The following APPL2 variants were observed in gnomAD, a reference collection of about 807,000 sequenced individuals.
The protein encoded by APPL2 is DCC-interacting protein 13-beta.
Under a neutral mutation model 92.7 loss-of-function variants are expected in APPL2, and 84 were observed. The ratio of observed to expected loss-of-function variants is 0.91; its 90% confidence interval spans 0.76 to 1.09. The LOEUF (loss-of-function observed/expected upper bound fraction) is 1.09. APPL2 is among the 50% of genes least tolerant of loss of function. The probability of loss-of-function intolerance (pLI) is 0.00; values close to 1 mark genes in which losing one functional copy is unlikely to be tolerated. For missense variants in APPL2, 736 were observed against 824.5 expected (o/e 0.89, Z 1.31); for synonymous variants, 291 against 291.0 (o/e 1.00, Z 0.00).
chr12:105,177,671 G>A (rs1885684978), intron 17 of APPL2, among the ~76,000 whole-genome samples: 1 of 152,160 alleles, frequency 6.6e-6, no homozygotes, highest in Non-Finnish European at 1.5e-5. Context: ...TAACATTATT[G>A]AAAAAGATGA....
chr12:105,212,154 A>G (rs1312505836), intron 4 of APPL2, among the ~76,000 whole-genome samples: 6 of 150,490 alleles, frequency 4.0e-5, no homozygotes, highest in Middle Eastern at 3.2e-3. Context: ...ACTTCCTACC[A>G]AAACAACTCT....
At chr12:105,182,550 A>G (rs1054535429) in intron 17 of APPL2, among the ~76,000 whole-genome samples, 5 of 152,196 alleles carry the variant, frequency 3.3e-5, no homozygotes, top group African/African-American at 1.2e-4. Context: ...TTCAGTTTCC[A>G]TGTAGTTGTG....
At chr12:105,189,720 C>T (rs536317843) in intron 16 of APPL2, 52 bp downstream of exon 16, 181 of 1,536,932 alleles carry the variant, frequency 1.2e-4, no homozygotes, top group Non-Finnish European at 1.6e-4. Flanking sequence ...TTTCAATGGC[C>T]GTTGTCATTT....
intron 11 of APPL2, 57 bp from the exon 12 acceptor site, chr12:105,195,684 TTCTCTACA>T (rs1440247821): frequency 6.3e-7 from 1 of 1,586,560 alleles, no homozygotes; most frequent in African/African-American, 1.3e-5. Context: ...GACTGGGAAT[TTCTCTACA>T]TAAACTGAAC....
Position 105,176,635 on chromosome 12 carries a change from A to AT in APPL2, c.1812+240dup, listed in dbSNP as rs1219022050. On this transcript the variant is annotated intron_variant, in intron 19 of 20. Transcript: ENST00000258530. ...CATTTCCTTATATCCCGACTAAATA[A>AT]TATGTCTTGCCATGAAATTTCTTCC... Among the ~76,000 whole-genome samples the AT allele has an allele frequency of 2.0e-5, 3 of 152,180 alleles. No individual in the cohort carries two copies. The East Asian group carries it at 5.8e-4, about 29-fold the overall frequency.
In APPL2 at chr12:105,176,944, C is replaced by T. The variant is rs752593594; in HGVS notation, c.1744G>A (p.Val582Ile). Reference sequence around the variant, plus strand: ...GATTCTTCTCCAGTGGATTCAGGAACACGGATGACAAAACCAACCAGTCTC... The same window carrying T: ...GATTCTTCTCCAGTGGATTCAGGAATACGGATGACAAAACCAACCAGTCTC... ...NKRLVGFVIR[V>I]PESTGEESLS... The change falls in exon 19 of 21, where the codon GTT becomes ATT. Residue 582 changes from valine to isoleucine, a missense_variant. Transcript: ENST00000258530. The T allele has an allele frequency of 2.5e-6, 4 of 1,614,068 alleles. No homozygotes were observed. The highest frequency in any genetic ancestry group is 1.7e-5 in the Admixed American group (1 of 60,002).
chr12:105,199,414 G>A lies in APPL2; in HGVS notation c.822C>T (p.Asn274=), dbSNP rs368408513. The A allele has an allele frequency of 7.0e-5, 113 of 1,613,932 alleles. No individual in the cohort carries two copies. The highest frequency in any genetic ancestry group is 8.9e-5 in the Non-Finnish European group (105 of 1,179,964). ...AACCAGCCTTCTGGATGAGGTTCCTGTTGATCTGTGGTGCGGCCACATCAG... is the reference window on the plus strand; with the variant it reads ...AACCAGCCTTCTGGATGAGGTTCCTATTGATCTGTGGTGCGGCCACATCAG... The part of the protein sequence containing the change: ...PDSDVAAPQI[N]RNLIQKAGYL... Residue 274 remains asparagine, a synonymous_variant, in exon 10 of 21, where the codon AAC becomes AAT. Coordinates refer to ENST00000258530, the MANE Select transcript of APPL2 (RefSeq NM_018171.5).
chr12:105,231,341 T>C (rs954950247), intron 1 of APPL2, among the ~76,000 whole-genome samples: 3 of 152,002 alleles, frequency 2.0e-5, no homozygotes, highest in Non-Finnish European at 4.4e-5. Context: ...ACAAAGAGGG[T>C]AGAAAGAAAA....
intron 7 of APPL2, 117 bp downstream of exon 7, chr12:105,207,854 A>C: frequency 2.3e-6 from 2 of 853,978 alleles, no homozygotes; most frequent in Non-Finnish European, 1.9e-6. Flanking sequence ...TTAAAAGTCC[A>C]TGTATAGTTA....
rs954418478 is a variant in APPL2, at chr12:105,225,377, T to C, written c.153+3748A>G. ...GAGAGGAGAAGCAAGATGACCTAAATAAATTTCACTGTAAGCCCCTAACAA... is the reference window on the plus strand; with the variant it reads ...GAGAGGAGAAGCAAGATGACCTAAACAAATTTCACTGTAAGCCCCTAACAA... On this transcript the variant is annotated intron_variant, in intron 2 of 20. Coordinates refer to ENST00000258530, the MANE Select transcript of APPL2 (RefSeq NM_018171.5). 2.0e-5 allele frequency among the ~76,000 whole-genome samples: 3 copies of C among 152,152 alleles called. No homozygotes were observed. In the South Asian group the frequency reaches 6.2e-4, roughly 32 times the overall value.
At chr12:105,229,717 G>A (rs1220525528) in intron 1 of APPL2, 3 of 986,032 alleles carry the variant, frequency 3.0e-6, no homozygotes, top group African/African-American at 1.7e-5. Flanking sequence ...TGTCTTGCAG[G>A]AGTGTAGGAG....
intron 9 of APPL2, 47 bp from the exon 10 acceptor site, chr12:105,199,578 A>C: frequency 6.3e-7 from 1 of 1,581,014 alleles, no homozygotes; most frequent in Non-Finnish European, 8.6e-7. Context: ...TGGCCAACCC[A>C]GCACTACTAA....
At chr12:105,207,926 C>T in intron 7 of APPL2, 45 bp downstream of exon 7, 2 of 1,553,566 alleles carry the variant, frequency 1.3e-6, no homozygotes, top group East Asian at 2.2e-5. Context: ...GCATGAAAGG[C>T]CTTTATGTAA....
Position 105,217,699 on chromosome 12 carries a change from C to A in APPL2, c.180G>T (p.Gln60His), listed in dbSNP as rs1467733886. 1.2e-6 allele frequency: 2 copies of A among 1,613,968 alleles called. No individual in the cohort carries two copies. The highest frequency in any genetic ancestry group is 2.7e-5 in the African/African-American group (2 of 75,062). ...CATATGCCAGCAGTTGCTTAGAAAGCTGTTGTGTGGCCAGGCACATCTCAT... is the reference window on the plus strand; with the variant it reads ...CATATGCCAGCAGTTGCTTAGAAAGATGTTGTGTGGCCAGGCACATCTCAT... ...AQNEMCLATQ[Q>H]LSKQLLAYEK... is the part of the protein sequence containing the mutation. Residue 60 changes from glutamine to histidine, a missense_variant, in exon 3 of 21, where the codon CAG (glutamine) becomes CAT (histidine). Physicochemically the swap from Gln to His is conservative, Grantham distance 24 (BLOSUM62 0). Transcript: ENST00000258530.
rs191840581 is a variant in APPL2 at position 105,215,232 on chromosome 12, A to G, written c.285+1837T>C. On this transcript the variant is annotated intron_variant, in intron 4 of 20. Coordinates refer to ENST00000258530, the MANE Select transcript of APPL2 (RefSeq NM_018171.5). The stretch of plus-strand genomic sequence containing the variant: ...GCATCTGAAGTGTGGGGGAGGGGGT[A>G]GTCTGGCGGGATCATGCCCTTAACT... Among the ~76,000 whole-genome samples, 676 of 152,264 alleles carry G rather than the reference A, an allele frequency of 4.4e-3. 7 individuals carry two copies. The highest frequency in any genetic ancestry group is 0.016 in the African/African-American group (646 of 41,530).
chr12:105,212,898 A>C (rs1889346165), intron 4 of APPL2, among the ~76,000 whole-genome samples: 1 of 152,228 alleles, frequency 6.6e-6, no homozygotes, highest in African/African-American at 2.4e-5. Flanking sequence ...CAAACTGCTA[A>C]CACTTTCCCT....
chr12:105,207,176 G>C lies in APPL2; in HGVS notation c.506C>G (p.Ala169Gly). The stretch of plus-strand genomic sequence containing the variant: ...GGAGAGGTGCTGCTTCCGCCGGGCC[G>C]CGGCCACCTCTTTTCCGACTTCGGT... ...VKTEVGKEVA[A>G]ARRKQHLSSL... The change falls in exon 8 of 21, where the codon GCG becomes GGG. Residue 169 changes from alanine to glycine, a missense_variant. By Grantham distance (60) the Ala-to-Gly change is moderately conservative (BLOSUM62 0). Coordinates refer to ENST00000258530, the MANE Select transcript of APPL2 (RefSeq NM_018171.5). 1 of 1,613,846 alleles carries C rather than the reference G, an allele frequency of 6.2e-7. No homozygotes were observed. Among genetic ancestry groups the C allele is most frequent in the South Asian group, 1.1e-5 (1 of 90,996 alleles).
intron 20 of APPL2, 44 bp downstream of exon 20, chr12:105,175,991 T>C (rs970140191): frequency 1.3e-6 from 2 of 1,503,914 alleles, no homozygotes; most frequent in Non-Finnish European, 1.8e-6. Flanking sequence ...TGTACACAGA[T>C]GTGTTTTGAG....
chr12:105,224,181 G>A (rs1317158210), intron 2 of APPL2, among the ~76,000 whole-genome samples: 2 of 152,178 alleles, frequency 1.3e-5, no homozygotes, highest in Non-Finnish European at 2.9e-5. Context: ...AGCCATTCAC[G>A]CCCTCTGCTC....
Sources: gnomAD v4.1 joint callset for allele counts (sites outside exome capture counted in the v4.1 genomes callset) on GRCh38, gnomAD v4.1.1 for gene constraint, MANE v1.5 for transcripts, NCBI Gene and HGNC (gene_info 2026-07-23, HGNC 2026-07-21) for gene names.